Variants in SLC8A1 observed in about 807,000 individuals in gnomAD.
SLC8A1 encodes the protein solute carrier family 8 member A1.
A neutral mutation model predicts 68.3 loss-of-function variants in SLC8A1; 18 were observed. The observed-to-expected ratio is 0.26, with a 90% CI of 0.18 to 0.39. SLC8A1 has a LOEUF of 0.39. SLC8A1 is among the 10% of genes least tolerant of loss of function. The pLI, the probability that SLC8A1 is intolerant of heterozygous loss-of-function variation, is 1.00. For synonymous variants in SLC8A1, 475 were observed against 415.5 expected, an observed-to-expected ratio of 1.14 and a Z score of -1.74; for missense variants, 985 against 1,156.7, an observed-to-expected ratio of 0.85 and a Z score of 2.15.
intron 2 of SLC8A1, among the ~76,000 whole-genome samples, chr2:40,341,894 C>T (rs1667814088): frequency 6.6e-6 from 1 of 152,072 alleles, no homozygotes; most frequent in African/African-American, 2.4e-5. Flanking sequence ...TAAGCAAATC[C>T]TTCCAAAATT....
intron 1 of SLC8A1, among the ~76,000 whole-genome samples, chr2:40,449,199 C>T (rs1234885961): frequency 6.7e-6 from 1 of 149,380 alleles, no homozygotes; most frequent in Non-Finnish European, 1.5e-5. Context: ...AACACACAGA[C>T]ATTAATGTCC....
chr2:40,325,624 T>A (rs985590748), intron 2 of SLC8A1, among the ~76,000 whole-genome samples: 1 of 151,724 alleles, frequency 6.6e-6, no homozygotes, highest in East Asian at 1.9e-4. Context: ...ATATAATAGG[T>A]GTTTGATTTC....
At chr2:40,339,148 C>A (rs952095306) in intron 2 of SLC8A1, among the ~76,000 whole-genome samples, 5 of 151,930 alleles carry the variant, frequency 3.3e-5, no homozygotes, top group African/African-American at 1.2e-4. Flanking sequence ...CTGGCTTCTT[C>A]TCTCATGTTT....
chr2:40,437,864 T>C (rs939426777), intron 1 of SLC8A1, among the ~76,000 whole-genome samples: 6 of 152,082 alleles, frequency 3.9e-5, no homozygotes, highest in Non-Finnish European at 7.4e-5. Context: ...AAATAAAACA[T>C]ATCTCCAAAG....
intron 2 of SLC8A1, among the ~76,000 whole-genome samples, chr2:40,279,601 G>A (rs1167870264): frequency 6.6e-6 from 1 of 152,178 alleles, no homozygotes; most frequent in Admixed American, 6.5e-5. Flanking sequence ...CATAATTTCG[G>A]AGATGCTATA....
chr2:40,447,488 A>G (rs1000772073), intron 1 of SLC8A1, among the ~76,000 whole-genome samples: 1 of 151,924 alleles, frequency 6.6e-6, no homozygotes, highest in Non-Finnish European at 1.5e-5. Context: ...CTAACTGGGC[A>G]GCAACCTAGT....
At chr2:40,144,823 T>G (rs574030375) in intron 6 of SLC8A1, among the ~76,000 whole-genome samples, 2 of 152,308 alleles carry the variant, frequency 1.3e-5, no homozygotes, top group East Asian at 3.9e-4. Flanking sequence ...CATATGCATT[T>G]GAGATTAGCA....
chr2:40,319,215 G>C (rs1300625159), intron 2 of SLC8A1, among the ~76,000 whole-genome samples: 1 of 152,048 alleles, frequency 6.6e-6, no homozygotes, highest in Non-Finnish European at 1.5e-5. Context: ...AGAATTTCCA[G>C]TTTCCTAAAT....
At chr2:40,505,427 G>A (rs1706310689) in intron 1 of SLC8A1, among the ~76,000 whole-genome samples, 1 of 151,844 alleles carries the variant, frequency 6.6e-6, no homozygotes, top group South Asian at 2.1e-4. Flanking sequence ...CACATTGCAT[G>A]CCTGTATCCA....
At chr2:40,183,718 A>G (rs1384725996) in intron 2 of SLC8A1, among the ~76,000 whole-genome samples, 1 of 152,196 alleles carries the variant, frequency 6.6e-6, no homozygotes, top group Admixed American at 6.6e-5. Context: ...TGATAAACCA[A>G]TAGGCTGGTA....
At chr2:40,335,460 T>C (rs984436326) in intron 2 of SLC8A1, among the ~76,000 whole-genome samples, 1 of 152,240 alleles carries the variant, frequency 6.6e-6, no homozygotes, top group Non-Finnish European at 1.5e-5. Context: ...TTATATTGTG[T>C]TGTCAAGTTA....
chr2:40,150,052 A>T (rs1573189316), intron 6 of SLC8A1, among the ~76,000 whole-genome samples: 4 of 2,444 alleles, frequency 1.6e-3, no homozygotes, highest in East Asian at 0.17. Context: ...CTTATTTGTT[A>T]AAAAAAAAAA....
At chr2:40,487,771 G>T (rs1473637996) in intron 1 of SLC8A1, among the ~76,000 whole-genome samples, 1 of 152,118 alleles carries the variant, frequency 6.6e-6, no homozygotes, top group Non-Finnish European at 1.5e-5. Context: ...CACTCAGACT[G>T]GTTTTCTCAC....
chr2:40,357,888 C>T (rs1472130973), intron 2 of SLC8A1, among the ~76,000 whole-genome samples: 5 of 151,878 alleles, frequency 3.3e-5, no homozygotes, highest in Admixed American at 6.6e-5. Flanking sequence ...TTTAGGGAGA[C>T]GTAAGCTGCT....
chr2:40,213,662 TC>T, intron 2 of SLC8A1, among the ~76,000 whole-genome samples: 1 of 152,256 alleles, frequency 6.6e-6, no homozygotes, highest in East Asian at 1.9e-4. Flanking sequence ...GGACATTTTT[TC>T]CCCCGTCATC....
intron 2 of SLC8A1, among the ~76,000 whole-genome samples, chr2:40,311,489 C>A (rs1199657981): frequency 6.6e-6 from 1 of 151,988 alleles, no homozygotes; most frequent in East Asian, 1.9e-4. Flanking sequence ...TGTATGTCTA[C>A]TGAACTCAAA....
chr2:40,152,142 ATTTC>A (rs1416009503), intron 6 of SLC8A1, among the ~76,000 whole-genome samples: 1 of 152,164 alleles, frequency 6.6e-6, no homozygotes, highest in African/African-American at 2.4e-5. Flanking sequence ...AGAGTCCTAA[ATTTC>A]TTTCTTTTTA....
At chr2:40,329,249 G>C (rs1046678836) in intron 2 of SLC8A1, among the ~76,000 whole-genome samples, 15 of 152,136 alleles carry the variant, frequency 9.9e-5, no homozygotes, top group Non-Finnish European at 1.8e-4. Flanking sequence ...AATGTTATCA[G>C]TTCCAACAAT....
intron 2 of SLC8A1, among the ~76,000 whole-genome samples, chr2:40,419,869 T>C (rs1056995860): frequency 2.4e-4 from 36 of 152,164 alleles, no homozygotes; most frequent in African/African-American, 8.7e-4. Context: ...TTAAAGGTTA[T>C]AATTATATTT....
Sources: gnomAD v4.1 joint callset for allele counts (sites outside exome capture counted in the v4.1 genomes callset) on GRCh38, gnomAD v4.1.1 for gene constraint, MANE v1.5 for transcripts, NCBI Gene and HGNC (gene_info 2026-07-23, HGNC 2026-07-21) for gene names.